The following SHB variants were observed in gnomAD, a reference collection of about 807,000 sequenced individuals.
SHB encodes the protein SH2 domain containing adaptor protein B.
A neutral mutation model predicts 52.3 loss-of-function variants in SHB; 20 were observed. The ratio of observed to expected loss-of-function variants is 0.38; its 90% CI spans 0.27 to 0.56. The LOEUF is 0.56. SHB is among the 20% of genes least tolerant of loss of function. SHB has a pLI of 0.71. For missense variants in SHB, 825 were observed against 723.3 expected, an observed-to-expected ratio of 1.14 and a Z score of -1.61; for synonymous variants, 397 against 316.5, an observed-to-expected ratio of 1.25 and a Z score of -2.70.
intron 2 of SHB, among the ~76,000 whole-genome samples, chr9:37,988,003 C>G (rs1255225305): frequency 6.6e-6 from 1 of 152,138 alleles, no homozygotes; most frequent in Non-Finnish European, 1.5e-5. Flanking sequence ...CCTTCCCAAC[C>G]AAAGTAGCCC....
In SHB at chr9:37,917,704, A is replaced by T. The variant is rs1401884183; in HGVS notation, c.*2117T>A. On this transcript the variant is annotated 3_prime_UTR_variant, in exon 6 of 6. Transcript: ENST00000377707. ...CCTTCCCACTCCCCCAAAGGAAAGC[A>T]CGAATCGTTCCAGGGTGTCCCTGCC... Among the ~76,000 whole-genome samples the T allele has an allele frequency of 1.3e-5, 2 of 152,238 alleles. No individual in the cohort carries two copies. The highest frequency in any genetic ancestry group is 2.9e-5 in the Non-Finnish European group (2 of 68,034).
chr9:37,966,898 C>T (rs1267142883), intron 3 of SHB, among the ~76,000 whole-genome samples: 2 of 152,174 alleles, frequency 1.3e-5, no homozygotes, highest in African/African-American at 2.4e-5. Context: ...AGCTTCAGAG[C>T]GACTGTGTTT....
intron 5 of SHB, among the ~76,000 whole-genome samples, chr9:37,942,062 G>A (rs1287844616): frequency 6.6e-6 from 1 of 152,166 alleles, no homozygotes; most frequent in Non-Finnish European, 1.5e-5. Flanking sequence ...TCTCTCCTTT[G>A]CTATATTAAT....
In SHB at chr9:37,956,652, G is replaced by A. The variant is rs191922273; in HGVS notation, c.1055-598C>T. Among the ~76,000 whole-genome samples, 333 of 152,276 alleles carry A rather than the reference G, an allele frequency of 2.2e-3. 4 individuals are homozygous for A. The highest frequency in any genetic ancestry group is 2.1e-3 in the Non-Finnish European group (143 of 68,014). Reference sequence around the variant, plus strand: ...GGCCATTCCACATGCTCTTCTCCCCGCCCTGGGCCTGTGGGAGCATCGTTC... The same window carrying A: ...GGCCATTCCACATGCTCTTCTCCCCACCCTGGGCCTGTGGGAGCATCGTTC... On this transcript the variant is annotated intron_variant, in intron 3 of 5. Coordinates refer to ENST00000377707, the MANE Select transcript of SHB (RefSeq NM_003028.3).
intron 1 of SHB, among the ~76,000 whole-genome samples, chr9:38,048,386 T>C (rs1821687235): frequency 6.6e-6 from 1 of 152,200 alleles, no homozygotes; most frequent in African/African-American, 2.4e-5. Flanking sequence ...CTCATGCCAG[T>C]AATCCTAGCA....
At chr9:37,945,831 G>T (rs1832484793) in intron 5 of SHB, among the ~76,000 whole-genome samples, 1 of 152,152 alleles carries the variant, frequency 6.6e-6, no homozygotes, top group Non-Finnish European at 1.5e-5. Context: ...TGTCATTGGT[G>T]GAGGTGGCCT....
intron 2 of SHB, among the ~76,000 whole-genome samples, chr9:37,983,347 C>T (rs375955788): frequency 1.1e-4 from 17 of 152,240 alleles, no homozygotes; most frequent in East Asian, 5.8e-4. Context: ...TGAGGTTGCT[C>T]GAGAGGGCTG....
intron 5 of SHB, among the ~76,000 whole-genome samples, chr9:37,938,025 A>G (rs1184294813): frequency 2.0e-5 from 3 of 152,176 alleles, no homozygotes; most frequent in Non-Finnish European, 4.4e-5. Context: ...TAGCTGCTTC[A>G]AGCCCCACCG....
chr9:37,969,461 T>C (rs1820567955), intron 3 of SHB, among the ~76,000 whole-genome samples: 1 of 152,186 alleles, frequency 6.6e-6, no homozygotes, highest in Admixed American at 6.5e-5. Flanking sequence ...ATGCCAGTAC[T>C]TTCCTGATGT....
intron 1 of SHB, among the ~76,000 whole-genome samples, chr9:38,062,568 C>T (rs1024519968): frequency 5.3e-5 from 8 of 152,166 alleles, no homozygotes; most frequent in South Asian, 2.1e-4. Context: ...AGAGACCACA[C>T]GGAACAGAGC....
At chr9:38,046,720 T>C (rs1433835507) in intron 1 of SHB, among the ~76,000 whole-genome samples, 1 of 152,240 alleles carries the variant, frequency 6.6e-6, no homozygotes, top group Non-Finnish European at 1.5e-5. Context: ...GTGGCTTCAT[T>C]GTAAAGTTGC....
Position 38,055,543 on chromosome 9 carries a change from C to T in SHB, c.717+12386G>A, listed in dbSNP as rs552614012. Among the ~76,000 whole-genome samples the T allele has an allele frequency of 2.6e-5, 4 of 152,220 alleles. No individual in the cohort carries two copies. The East Asian group carries it at 7.7e-4, about 29-fold the overall frequency. The stretch of plus-strand genomic sequence containing the variant: ...GCCCACACAGGCCACACCTTCAAAT[C>T]CTACCCATTCTGAACTCTCCCACCA... On this transcript the variant is annotated intron_variant, in intron 1 of 5. Coordinates refer to ENST00000377707, the MANE Select transcript of SHB (RefSeq NM_003028.3).
At chr9:37,998,249 C>G (rs951244948) in intron 2 of SHB, among the ~76,000 whole-genome samples, 15 of 152,186 alleles carry the variant, frequency 9.9e-5, no homozygotes, top group Admixed American at 9.2e-4. Context: ...GGCCAGGGCC[C>G]CAACACAGTA....
intron 1 of SHB, among the ~76,000 whole-genome samples, chr9:38,044,458 G>A (rs1326253623): frequency 1.3e-5 from 2 of 152,236 alleles, no homozygotes; most frequent in African/African-American, 4.8e-5. Flanking sequence ...GCACTCCTAA[G>A]GTCTCATGGG....
chr9:37,965,347 G>A (rs1022630333), intron 3 of SHB, among the ~76,000 whole-genome samples: 3 of 152,196 alleles, frequency 2.0e-5, no homozygotes, highest in Non-Finnish European at 4.4e-5. Context: ...GGGACATGCT[G>A]TCCACTTCTC....
chr9:38,024,596 T>G (rs1821319425), intron 1 of SHB, among the ~76,000 whole-genome samples: 1 of 152,192 alleles, frequency 6.6e-6, no homozygotes, highest in Admixed American at 6.5e-5. Context: ...GAGTGAGCTG[T>G]GGGTCCTGGG....
chr9:38,039,622 T>C (rs1821544079), intron 1 of SHB, among the ~76,000 whole-genome samples: 1 of 152,246 alleles, frequency 6.6e-6, no homozygotes, highest in Non-Finnish European at 1.5e-5. Context: ...CCCGTTGTAA[T>C]CCTACTTCCT....
At chr9:38,030,678 T>C (rs1451547311) in intron 1 of SHB, among the ~76,000 whole-genome samples, 1 of 152,226 alleles carries the variant, frequency 6.6e-6, no homozygotes, top group South Asian at 2.1e-4. Context: ...AAATTCTTAA[T>C]AATTTTTAAA....
intron 3 of SHB, among the ~76,000 whole-genome samples, chr9:37,963,183 G>T (rs1167447425): frequency 6.6e-6 from 1 of 152,160 alleles, no homozygotes; most frequent in Non-Finnish European, 1.5e-5. Flanking sequence ...CGGGGATAGG[G>T]GGTCATTCAA....
Sources: allele counts gnomAD v4.1 joint callset (sites outside exome capture counted in the v4.1 genomes callset), GRCh38; gene constraint gnomAD v4.1.1; transcripts MANE v1.5; gene names NCBI Gene and HGNC (gene_info 2026-07-23, HGNC 2026-07-21).